SHANK2: variants seen among roughly 807,000 people sequenced by gnomAD.
The protein encoded by SHANK2 is SH3 and multiple ankyrin repeat domains protein 2.
In SHANK2, 43 loss-of-function variants were observed where a neutral mutation model predicts 133.7. The ratio of observed to expected loss-of-function variants is 0.32; its 90% confidence interval spans 0.25 to 0.41. SHANK2 has a LOEUF of 0.41. Ranked by LOEUF, SHANK2 falls within the 10% of genes least tolerant of loss-of-function variation. The pLI is 1.00. For synonymous variants in SHANK2, 1,017 were observed against 952.8 expected, an observed-to-expected ratio of 1.07 and a Z score of -1.24; for missense variants, 1,994 against 2,235.8, an observed-to-expected ratio of 0.89 and a Z score of 2.18.
chr11:71,124,590 G>A (rs1410949633), intron 3 of SHANK2, among the ~76,000 whole-genome samples: 29 of 152,024 alleles, frequency 1.9e-4, no homozygotes, highest in African/African-American at 7.0e-4. Flanking sequence ...TAAAGAAGCT[G>A]AGCCTCAGAG....
At position 71,083,981 on chromosome 11, in the gene SHANK2, G is replaced by GC. The variant is rs1395099291; in HGVS notation, c.912+8440_912+8441insG. On this transcript the variant is annotated intron_variant, in intron 8 of 25. Transcript: ENST00000601538. ...TAATTTGAATAACAACTTTTTTTTG[G>GC]GGGGGGGAGACAGAGTCTTGCTCTG... Among the ~76,000 whole-genome samples, 1,237 of 149,790 alleles carry GC rather than the reference G, an allele frequency of 8.3e-3. 21 individuals are homozygous for GC. The highest frequency in any genetic ancestry group is 0.029 in the African/African-American group (1,179 of 40,694).
intron 17 of SHANK2, among the ~76,000 whole-genome samples, chr11:70,560,060 T>G (rs556080271): frequency 6.6e-6 from 1 of 151,856 alleles, no homozygotes; most frequent in Non-Finnish European, 1.5e-5. Flanking sequence ...TTAGTAGAGA[T>G]AGGGTTTTGG....
At chr11:70,605,602 G>A (rs961162879) in intron 17 of SHANK2, among the ~76,000 whole-genome samples, 6 of 152,230 alleles carry the variant, frequency 3.9e-5, no homozygotes, top group Admixed American at 2.0e-4. Flanking sequence ...TGACCGCTCA[G>A]TGAAGCTCAG....
chr11:70,751,745 G>C (rs1332663058), intron 14 of SHANK2, among the ~76,000 whole-genome samples: 2 of 152,056 alleles, frequency 1.3e-5, no homozygotes, highest in Non-Finnish European at 2.9e-5. Context: ...AGAATAAAGC[G>C]ATCTATATGG....
At chr11:70,720,746 CAT>C (rs199865075) in intron 14 of SHANK2, among the ~76,000 whole-genome samples, 1,583 of 151,448 alleles carry the variant, frequency 0.01, 23 homozygotes, top group African/African-American at 0.034. Flanking sequence ...CGCATGTGAA[CAT>C]ACACACACAC....
intron 17 of SHANK2, among the ~76,000 whole-genome samples, chr11:70,560,335 A>C (rs2059891287): frequency 6.6e-6 from 1 of 152,228 alleles, no homozygotes; most frequent in African/African-American, 2.4e-5. Flanking sequence ...AAGATGTGCC[A>C]AGACCTGTAT....
chr11:70,624,165 C>T lies in SHANK2; in HGVS notation c.2061+35663G>A, dbSNP rs111898689. Among the ~76,000 whole-genome samples, 240 of 152,146 alleles carry T rather than the reference C, an allele frequency of 1.6e-3. 1 individual carries two copies. The highest frequency in any genetic ancestry group is 5.5e-3 in the African/African-American group (229 of 41,520). On this transcript the variant is annotated intron_variant, in intron 17 of 25. Coordinates refer to ENST00000601538, the MANE Select transcript of SHANK2 (RefSeq NM_012309.5). ...CTGCAGCCTCAGGAGGGGCTGAGGC[C>T]GGGGGAGTGTGCAGGACTAACGGAC...
intron 14 of SHANK2, among the ~76,000 whole-genome samples, chr11:70,721,750 C>T (rs782741235): frequency 6.6e-6 from 1 of 152,236 alleles, no homozygotes; most frequent in Non-Finnish European, 1.5e-5. Context: ...AGGTCCCACC[C>T]AACCCTAGAC....
intron 14 of SHANK2, among the ~76,000 whole-genome samples, chr11:70,702,840 C>G (rs999932709): frequency 6.6e-6 from 1 of 152,178 alleles, no homozygotes; most frequent in Non-Finnish European, 1.5e-5. Context: ...GATTCAGAAC[C>G]CAGCTCTGCC....
In SHANK2 at chr11:70,914,766, C is replaced by T. The variant is rs183222222; in HGVS notation, c.1108-18199G>A. Among the ~76,000 whole-genome samples, 168 of 145,120 alleles carry T rather than the reference C, an allele frequency of 1.2e-3. 3 individuals are homozygous for T. Among genetic ancestry groups the T allele is most frequent in the African/African-American group, 6.3e-4 (25 of 39,916 alleles). ...ATTAGCCCAGCGTGGTAGCGCACAC[C>T]TGTAACCCCAGCTATTCAGGAGACT... is the stretch of plus-strand genomic sequence containing the variant. On this transcript the variant is annotated intron_variant, in intron 10 of 25. Transcript: ENST00000601538.
intron 17 of SHANK2, among the ~76,000 whole-genome samples, chr11:70,606,931 G>A (rs543028343): frequency 4.6e-5 from 7 of 152,328 alleles, no homozygotes; most frequent in South Asian, 2.1e-4. Context: ...GGAGAAGGAT[G>A]AGGCTCGGGA....
At chr11:70,926,436 A>G (rs1287025082) in intron 10 of SHANK2, among the ~76,000 whole-genome samples, 4 of 152,160 alleles carry the variant, frequency 2.6e-5, no homozygotes, top group Non-Finnish European at 4.4e-5. Flanking sequence ...TCCAAAACAA[A>G]ACAACCAAAA....
rs548742588 is a variant in SHANK2 at position 70,943,541 on chromosome 11, G to C, written c.1108-46974C>G. Among the ~76,000 whole-genome samples the C allele has an allele frequency of 2.0e-5, 3 of 152,184 alleles. No individual in the cohort carries two copies. The South Asian group carries it at 6.2e-4, about 32-fold the overall frequency. ...GATTTAGGGCACAGCAAACTCATGG[G>C]GTGAGCAGGTGGCAATACCCCTGGG... On this transcript the variant is annotated intron_variant, in intron 10 of 25. Transcript: ENST00000601538.
At chr11:70,537,517 A>G (rs550351265) in intron 17 of SHANK2, among the ~76,000 whole-genome samples, 1 of 152,366 alleles carries the variant, frequency 6.6e-6, no homozygotes, top group East Asian at 1.9e-4. Flanking sequence ...GGGAGCCCCC[A>G]GAAGCTAGAA....
At chr11:70,795,637 C>A (rs577600736) in intron 14 of SHANK2, among the ~76,000 whole-genome samples, 1 of 152,156 alleles carries the variant, frequency 6.6e-6, no homozygotes, top group African/African-American at 2.4e-5. Flanking sequence ...AACTCCTAAA[C>A]TCAAGAGATC....
chr11:70,491,675 G>A (rs2058888808), intron 22 of SHANK2, among the ~76,000 whole-genome samples: 1 of 152,214 alleles, frequency 6.6e-6, no homozygotes. Flanking sequence ...AGGTTCAGAT[G>A]GCTGCCTCTG....
intron 1 of SHANK2, among the ~76,000 whole-genome samples, chr11:71,235,598 A>G (rs547658609): frequency 0.03 from 928 of 31,110 alleles, 8 homozygotes; most frequent in African/African-American, 0.27. Context: ...TCTCTCGGGG[A>G]AAAAAAAAAA....
intron 18 of SHANK2, 66 bp downstream of exon 18, chr11:70,502,730 T>TGGGGGGGGGGGGGGGGGGGGGGGGCG: frequency 1.3e-6 from 1 of 772,456 alleles, no homozygotes; most frequent in African/African-American, 2.3e-5. Flanking sequence ...CCAGCTGTCC[T>TGGGGGGGGGGGGGGGGGGGGGGGGCG]GCCCGCCCCC....
chr11:70,912,932 G>A (rs1226184295), intron 10 of SHANK2, among the ~76,000 whole-genome samples: 1 of 152,006 alleles, frequency 6.6e-6, no homozygotes, highest in Non-Finnish European at 1.5e-5. Flanking sequence ...AACAAAAATT[G>A]ACCACAAAAA....
Sources: allele counts gnomAD v4.1 joint callset (sites outside exome capture counted in the v4.1 genomes callset), GRCh38; gene constraint gnomAD v4.1.1; transcripts MANE v1.5; gene names NCBI Gene and HGNC (gene_info 2026-07-23, HGNC 2026-07-21).